The following EPHB2 variants were observed in gnomAD, a reference collection of about 807,000 sequenced individuals.
The protein encoded by EPHB2 is ephrin type-B receptor 2.
EPHB2 carries 18 observed loss-of-function variants against 96.4 expected under a neutral mutation model. The ratio of observed to expected loss-of-function variants is 0.19; its 90% CI spans 0.13 to 0.28. The LOEUF (loss-of-function observed/expected upper bound fraction) is 0.28, where lower values mean the gene tolerates loss of function less well. Ranked by LOEUF, EPHB2 falls within the 10% of genes least tolerant of loss-of-function variation. The pLI is 1.00. For synonymous variants in EPHB2, 506 were observed against 534.1 expected, an observed-to-expected ratio of 0.95 and a Z score of 0.72; for missense variants, 989 against 1,355.4, an observed-to-expected ratio of 0.73 and a Z score of 4.25.
intron 1 of EPHB2, among the ~76,000 whole-genome samples, chr1:22,778,454 G>A (rs574953811): frequency 9.2e-5 from 14 of 152,308 alleles, no homozygotes; most frequent in African/African-American, 3.1e-4. Context: ...AGAGGTAGAG[G>A]GAGGGGTTAA....
At chr1:22,814,233 T>A (rs1645041615) in intron 3 of EPHB2, among the ~76,000 whole-genome samples, 2 of 152,146 alleles carry the variant, frequency 1.3e-5, no homozygotes, top group African/African-American at 4.8e-5. Context: ...TATCTTTATG[T>A]ATTTACTGAG....
intron 3 of EPHB2, among the ~76,000 whole-genome samples, chr1:22,824,890 C>T (rs1462436123): frequency 3.3e-5 from 5 of 152,214 alleles, no homozygotes. Context: ...TGCCAGGTTC[C>T]CAGGGGCATT....
intron 1 of EPHB2, among the ~76,000 whole-genome samples, chr1:22,756,374 G>T (rs1047569108): frequency 2.0e-5 from 3 of 152,070 alleles, no homozygotes; most frequent in Non-Finnish European, 4.4e-5. Flanking sequence ...CCTGGGAGAA[G>T]CACAAGGAGC....
chr1:22,906,918 C>T lies in EPHB2; in HGVS notation c.2097C>T (p.Thr699=), dbSNP rs538962894. ...VTKSTPVMII[T]EFMENGSLDS... ...AGAGCACACCTGTGATGATCATCAC[C>T]GAGTTCATGGAGAATGGCTCCCTGG... is the stretch of plus-strand genomic sequence containing the variant. Residue 699 remains threonine, a synonymous_variant, in exon 11 of 16, where the codon ACC becomes ACT. Transcript: ENST00000374630. The surrounding 1 kb of genome is among the most constrained non-coding windows in gnomAD (Gnocchi z 4.8). 40 of 1,613,408 alleles carry T rather than the reference C, an allele frequency of 2.5e-5. No homozygotes were observed. The African/African-American group carries it at 2.9e-4, about 12-fold the overall frequency.
chr1:22,746,923 G>A (rs765911875), intron 1 of EPHB2, among the ~76,000 whole-genome samples: 18 of 152,192 alleles, frequency 1.2e-4, no homozygotes, highest in Non-Finnish European at 2.6e-4. Context: ...ATTCCTGGAA[G>A]GGGGTTAGGA....
At chr1:22,756,710 C>A (rs1214937786) in intron 1 of EPHB2, among the ~76,000 whole-genome samples, 1 of 152,140 alleles carries the variant, frequency 6.6e-6, no homozygotes, top group African/African-American at 2.4e-5. Flanking sequence ...CTCACTGGGC[C>A]AGCCCCAGAA....
chr1:22,831,041 T>C (rs1421097616), intron 3 of EPHB2, among the ~76,000 whole-genome samples: 1 of 152,166 alleles, frequency 6.6e-6, no homozygotes, highest in Admixed American at 6.5e-5. Context: ...TGCTCCACGT[T>C]GACTACCAGA....
intron 1 of EPHB2, among the ~76,000 whole-genome samples, chr1:22,777,551 T>G (rs944943472): frequency 2.0e-5 from 3 of 152,190 alleles, no homozygotes; most frequent in Non-Finnish European, 4.4e-5. Flanking sequence ...AGGCAATAAC[T>G]ATTAACTCCA....
intron 9 of EPHB2, among the ~76,000 whole-genome samples, chr1:22,904,885 G>A (rs957284816): frequency 6.6e-6 from 1 of 152,224 alleles, no homozygotes; most frequent in Admixed American, 6.5e-5. Flanking sequence ...CAGGGTTGAT[G>A]GCCTCACGCA....
intron 3 of EPHB2, among the ~76,000 whole-genome samples, chr1:22,785,727 G>A (rs1360158623): frequency 6.6e-6 from 1 of 152,220 alleles, no homozygotes; most frequent in Non-Finnish European, 1.5e-5. Flanking sequence ...ACATTTCACG[G>A]GCCAAAGCAA....
intron 1 of EPHB2, among the ~76,000 whole-genome samples, chr1:22,773,512 T>G (rs1027088104): frequency 6.6e-6 from 1 of 152,194 alleles, no homozygotes; most frequent in African/African-American, 2.4e-5. Context: ...CACTGGTCAG[T>G]CTGTAGGCGA....
At chr1:22,782,617 G>A (rs1385709887) in intron 2 of EPHB2, among the ~76,000 whole-genome samples, 5 of 152,094 alleles carry the variant, frequency 3.3e-5, no homozygotes, top group Non-Finnish European at 7.4e-5. Flanking sequence ...CAGGGCCCCC[G>A]GACGCAATTA....
chr1:22,852,005 G>A (rs1406596919), intron 3 of EPHB2, among the ~76,000 whole-genome samples: 1 of 152,230 alleles, frequency 6.6e-6, no homozygotes, highest in African/African-American at 2.4e-5. Flanking sequence ...TGGAGTCAGA[G>A]CTGGCCTCAA....
chr1:22,835,915 C>T (rs1447227606), intron 3 of EPHB2: 1 of 152,020 alleles, frequency 6.6e-6, no homozygotes, highest in African/African-American at 2.4e-5. Flanking sequence ...GTTTTAATCC[C>T]TCGTCATGTC....
intron 3 of EPHB2, among the ~76,000 whole-genome samples, chr1:22,789,445 C>T (rs982295930): frequency 6.6e-6 from 1 of 152,176 alleles, no homozygotes; most frequent in African/African-American, 2.4e-5. Context: ...TACTAGTTCC[C>T]AGTGCAGTGA....
intron 15 of EPHB2, chr1:22,912,972 A>G (rs1235700632): frequency 2.8e-6 from 1 of 361,702 alleles, no homozygotes; most frequent in African/African-American, 2.1e-5. Flanking sequence ...AGGCGGGCAG[A>G]TCACAAGGTC....
intron 3 of EPHB2, among the ~76,000 whole-genome samples, chr1:22,806,488 CGGACGGACGGACGGACGGATGGATGGAT>C (rs1447487091): frequency 1.3e-5 from 1 of 77,266 alleles, no homozygotes; most frequent in African/African-American, 5.3e-5. Flanking sequence ...GACGGACGGA[CGGACGGACGGACGGACGGATGGATGGAT>C]GGATGGATGG....
rs80179617 is a variant in EPHB2 at position 22,906,996 on chromosome 1, G to T, written c.2136+39G>T. The T allele has an allele frequency of 6.4e-7, 1 of 1,570,782 alleles. No individual in the cohort carries two copies. Among genetic ancestry groups the T allele is most frequent in the Admixed American group, 1.8e-5 (1 of 54,180 alleles). On this transcript the variant is annotated intron_variant, in intron 11 of 15. Coordinates refer to ENST00000374630, the MANE Select transcript of EPHB2 (RefSeq NM_017449.5). The surrounding 1 kb of genome is among the most constrained non-coding windows in gnomAD (Gnocchi z 4.8). ...AGAGGGCCAGGGGCCCATGAATGGG[G>T]CAGGAAAAGGAACGATGGACATAGC...
intron 1 of EPHB2, among the ~76,000 whole-genome samples, chr1:22,713,609 G>A (rs1643216618): frequency 6.6e-6 from 1 of 152,176 alleles, no homozygotes; most frequent in South Asian, 2.1e-4. Flanking sequence ...ACATTTGGGA[G>A]ACACCAGGGT....
Sources: allele counts gnomAD v4.1 joint callset (sites outside exome capture counted in the v4.1 genomes callset), GRCh38; gene constraint gnomAD v4.1.1; non-coding constraint Gnocchi (gnomAD v3.1); transcripts MANE v1.5; gene names NCBI Gene and HGNC (gene_info 2026-07-23, HGNC 2026-07-21).